CRYBG1: variants seen among roughly 807,000 people sequenced by gnomAD.
CRYBG1 encodes the protein beta/gamma crystallin domain-containing protein 1.
In CRYBG1, 139 loss-of-function variants were observed where a neutral mutation model predicts 189.2. The ratio of observed to expected loss-of-function variants is 0.73; its 90% CI spans 0.64 to 0.85. The LOEUF (loss-of-function observed/expected upper bound fraction) is 0.85. CRYBG1 is among the 40% of genes least tolerant of loss of function. The pLI is 0.00. For missense variants in CRYBG1, 2,611 were observed against 2,675.8 expected, an observed-to-expected ratio of 0.98 and a Z score of 0.53; for synonymous variants, 1,023 against 1,017.1, an observed-to-expected ratio of 1.01 and a Z score of -0.11.
At position 106,528,921 on chromosome 6, in the gene CRYBG1, T is replaced by G. The variant is rs1436190853; in HGVS notation, c.4579-1255T>G. ...ATTATAAGTAATGCCACGAGAATGT[T>G]TTTGTGCATTTAATAATTTATAATT... On this transcript the variant is annotated intron_variant, in intron 7 of 21. Transcript: ENST00000633556. Among the ~76,000 whole-genome samples, 4 of 152,150 alleles carry G rather than the reference T, an allele frequency of 2.6e-5. No homozygotes were observed. The East Asian group carries it at 7.7e-4, about 29-fold the overall frequency.
chr6:106,571,928 GA>G lies in CRYBG1; in HGVS notation c.*3369del. On this transcript the variant is annotated 3_prime_UTR_variant, in exon 22 of 22. Coordinates refer to ENST00000633556, the MANE Select transcript of CRYBG1 (RefSeq NM_001371242.2). ...GAAAAATGTTTGAAAGGGATGGCTAGAAAAAAATTTGGGCTCACAGGCACTC... is the reference window on the plus strand; with the variant it reads ...GAAAAATGTTTGAAAGGGATGGCTAGAAAAAATTTGGGCTCACAGGCACTC... 1.9e-6 allele frequency: 2 copies of G among 1,059,616 alleles called. No homozygotes were observed. The highest frequency in any genetic ancestry group is 2.9e-6 in the Non-Finnish European group (2 of 690,230). The allele number at this position is 1,059,616 out of a possible 1,614,324, so 65.6% of individuals were successfully genotyped here.
At chr6:106,405,241 C>A (rs1770799705) in intron 1 of CRYBG1, among the ~76,000 whole-genome samples, 1 of 152,166 alleles carries the variant, frequency 6.6e-6, no homozygotes. Context: ...GGCAGTTTTC[C>A]CCTCACAGTG....
chr6:106,512,696 G>C lies in CRYBG1; in HGVS notation c.1579G>C (p.Ala527Pro). The part of the protein sequence containing the change: ...GRSRALEAVP[A>P]PPASGPRAPA... ...GAGCCGTGCCCTCGAGGCCGTGCCC[G>C]CCCCGCCCGCCAGCGGCCCCCGGGC... The change falls in exon 3 of 22, where the codon GCC becomes CCC. Residue 527 changes from alanine to proline, a missense_variant. Physicochemically the swap from Ala to Pro is conservative, Grantham distance 27. Around this residue, in one of 3 missense-constraint regions of CRYBG1, gnomAD observed 985 missense variants for 924.4 expected, o/e 1.07. Transcript: ENST00000633556. The C allele has an allele frequency of 6.5e-7, 1 of 1,542,792 alleles. No homozygotes were observed. The highest frequency in any genetic ancestry group is 8.7e-7 in the Non-Finnish European group (1 of 1,144,288).
intron 2 of CRYBG1, among the ~76,000 whole-genome samples, chr6:106,458,210 T>G (rs1771928595): frequency 6.6e-6 from 1 of 152,250 alleles, no homozygotes; most frequent in Admixed American, 6.5e-5. Flanking sequence ...TTTTCTGATG[T>G]GCTGTAAACT....
chr6:106,568,599 T>C lies in CRYBG1; in HGVS notation c.*33T>C. The C allele has an allele frequency of 6.7e-7, 1 of 1,498,450 alleles. No homozygotes were observed. Among genetic ancestry groups the C allele is most frequent in the Admixed American group, 1.7e-5 (1 of 58,720 alleles). 92.8% of individuals were successfully genotyped at this position (1,498,450 alleles called of 1,614,324 possible). On this transcript the variant is annotated 3_prime_UTR_variant, in exon 22 of 22. Transcript: ENST00000633556. The stretch of plus-strand genomic sequence containing the variant: ...AGGAAGAAGAATCTTCTGGAGGTCC[T>C]TCCAGCCACCTTATTTCTTAAAAAG...
At chr6:106,547,187 G>GACACACACAC (rs113926303) in intron 13 of CRYBG1, among the ~76,000 whole-genome samples, 13 of 50,580 alleles carry the variant, frequency 2.6e-4, no homozygotes, top group African/African-American at 4.7e-4. Flanking sequence ...CACATACGTG[G>GACACACACAC]ACACACACAC....
At chr6:106,473,708 A>G (rs1582783172) in intron 2 of CRYBG1, among the ~76,000 whole-genome samples, 1 of 152,216 alleles carries the variant, frequency 6.6e-6, no homozygotes, top group Non-Finnish European at 1.5e-5. Context: ...AATTTTAAAT[A>G]CGGTAATATT....
At chr6:106,459,251 T>C (rs949963423) in intron 2 of CRYBG1, among the ~76,000 whole-genome samples, 2 of 152,240 alleles carry the variant, frequency 1.3e-5, no homozygotes, top group Admixed American at 1.3e-4. Context: ...TATTTACATA[T>C]GTATAAATAA....
intron 9 of CRYBG1, among the ~76,000 whole-genome samples, chr6:106,539,929 ATTAAATTC>A (rs1774092208): frequency 6.6e-6 from 1 of 152,238 alleles, no homozygotes; most frequent in Non-Finnish European, 1.5e-5. Flanking sequence ...TTCATGCTAA[ATTAAATTC>A]AGTCTTAAAA....
At chr6:106,383,789 T>A (rs1392818129) in intron 1 of CRYBG1, among the ~76,000 whole-genome samples, 1 of 152,170 alleles carries the variant, frequency 6.6e-6, no homozygotes, top group Non-Finnish European at 1.5e-5. Flanking sequence ...CTCCTGCAGT[T>A]TTTCATATGC....
intron 1 of CRYBG1, among the ~76,000 whole-genome samples, chr6:106,366,732 A>G (rs1004752009): frequency 3.9e-5 from 6 of 152,202 alleles, no homozygotes; most frequent in African/African-American, 1.2e-4. Context: ...GATGTTATCT[A>G]TGTAAAGCAC....
intron 1 of CRYBG1, among the ~76,000 whole-genome samples, chr6:106,392,618 TTATC>T (rs1770529984): frequency 6.6e-6 from 1 of 152,192 alleles, no homozygotes; most frequent in African/African-American, 2.4e-5. Context: ...AACAATGTGT[TTATC>T]TAAGATTAAA....
chr6:106,419,641 A>T (rs529880311), intron 1 of CRYBG1, among the ~76,000 whole-genome samples: 2 of 152,268 alleles, frequency 1.3e-5, no homozygotes, highest in Non-Finnish European at 2.9e-5. Flanking sequence ...AACTTGGCCT[A>T]CCAAAGTGCT....
intron 17 of CRYBG1, among the ~76,000 whole-genome samples, chr6:106,556,947 T>C (rs1413296526): frequency 6.6e-6 from 1 of 152,228 alleles, no homozygotes; most frequent in African/African-American, 2.4e-5. Flanking sequence ...AGTATATATT[T>C]GAAAATTTCA....
intron 1 of CRYBG1, among the ~76,000 whole-genome samples, chr6:106,433,747 ATATATATATGTGT>A: frequency 3.2e-5 from 1 of 31,074 alleles, no homozygotes; most frequent in Non-Finnish European, 6.7e-5. Flanking sequence ...ATATATATGT[ATATATATATGTGT>A]ATATATATAT....
intron 2 of CRYBG1, among the ~76,000 whole-genome samples, chr6:106,504,773 T>C (rs1773093300): frequency 6.6e-6 from 1 of 152,122 alleles, no homozygotes. Context: ...TTAATGCCTA[T>C]TCCAAATCAA....
intron 21 of CRYBG1, among the ~76,000 whole-genome samples, chr6:106,564,771 T>C (rs1004783467): frequency 1.3e-5 from 2 of 152,182 alleles, no homozygotes; most frequent in South Asian, 2.1e-4. Context: ...TATTGACAGG[T>C]GCAGATGGTG....
At chr6:106,428,544 A>G (rs17066971) in intron 1 of CRYBG1, among the ~76,000 whole-genome samples, 4,257 of 152,292 alleles carry the variant, frequency 0.028, 201 homozygotes, top group African/African-American at 0.097. Flanking sequence ...AAGTGCAATC[A>G]CATGTACTAT....
chr6:106,391,846 G>T (rs803523), intron 1 of CRYBG1, among the ~76,000 whole-genome samples: 1 of 151,638 alleles, frequency 6.6e-6, no homozygotes, highest in African/African-American at 2.4e-5. Flanking sequence ...TCGTTCTTGC[G>T]CTCCAAATTC....
Sources: allele counts gnomAD v4.1 joint callset (sites outside exome capture counted in the v4.1 genomes callset), GRCh38; gene constraint gnomAD v4.1.1; regional missense constraint gnomAD v4.1.1; transcripts MANE v1.5; gene names NCBI Gene and HGNC (gene_info 2026-07-23, HGNC 2026-07-21).